Variants in MYH2 observed in about 807,000 individuals in gnomAD.
The protein encoded by MYH2 is myosin heavy chain 2.
Under a neutral mutation model 228.1 loss-of-function variants are expected in MYH2, and 139 were observed. The ratio of observed to expected loss-of-function variants is 0.61; its 90% CI spans 0.53 to 0.70. The LOEUF (loss-of-function observed/expected upper bound fraction) is 0.70. MYH2 is among the 30% of genes least tolerant of loss of function. MYH2 has a pLI of 0.00. For synonymous variants in MYH2, 796 were observed against 871.1 expected (o/e 0.91, Z 1.52); for missense variants, 1,809 against 2,357.5 (o/e 0.77, Z 4.82).
At position 10,535,446 on chromosome 17, in the gene MYH2, C is replaced by A. The variant is rs1474838743; in HGVS notation, c.1975-81G>T. ...TCATTGGTGTCTATAAAATCAATAT[C>A]TATAGCTGAGTTGAATGACCAGTAT... is the stretch of plus-strand genomic sequence containing the variant. On this transcript the variant is annotated intron_variant, in intron 17 of 39. Coordinates refer to ENST00000245503, the MANE Select transcript of MYH2 (RefSeq NM_017534.6). 11 of 1,214,164 alleles carry A rather than the reference C, an allele frequency of 9.1e-6. No homozygotes were observed. The East Asian group carries it at 1.9e-4, about 21-fold the overall frequency. 75.2% of individuals were successfully genotyped at this position (1,214,164 alleles called of 1,614,324 possible).
chr17:10,535,537 A>T (rs1309961235), intron 17 of MYH2, among the ~76,000 whole-genome samples, 172 bp from the exon 18 acceptor site: 1 of 152,180 alleles, frequency 6.6e-6, no homozygotes, highest in Non-Finnish European at 1.5e-5. Context: ...TCCTCAATAG[A>T]TCTTTCTGCA....
chr17:10,547,349 T>C, intron 4 of MYH2, 126 bp downstream of exon 4: 1 of 1,260,490 alleles, frequency 7.9e-7, no homozygotes, highest in East Asian at 2.3e-5. Flanking sequence ...TGAAGCCTTT[T>C]AACTAGTTAT....
intron 22 of MYH2, 144 bp from the exon 23 acceptor site, chr17:10,530,218 C>T (rs1010202405): frequency 7.3e-7 from 1 of 1,370,240 alleles, no homozygotes; most frequent in East Asian, 2.4e-5. Context: ...CATGAACCAC[C>T]CTACTGTGTA....
intron 39 of MYH2, among the ~76,000 whole-genome samples, chr17:10,522,450 A>G (rs141235154): frequency 2.6e-5 from 4 of 152,218 alleles, no homozygotes; most frequent in African/African-American, 7.2e-5. Flanking sequence ...TTAATTCCCC[A>G]GAAGTTACAA....
In MYH2 at chr17:10,527,044, C is replaced by T. The variant is rs143341678; in HGVS notation, c.3884G>A (p.Arg1295His). The change falls in exon 29 of 40, where the codon CGC (arginine) becomes CAC (histidine). Residue 1295 changes from arginine to histidine, a missense_variant. By Grantham distance (29) the Arg-to-His change is conservative. Coordinates refer to ENST00000245503, the MANE Select transcript of MYH2 (RefSeq NM_017534.6). ...CAGAGCTTCCTTTTCATCAAGCTGG[C>T]GTGAAAACTCACCTGATGGACAAAA... ...RLQTESGEFS[R>H]QLDEKEALVS... 1,487 of 1,613,998 alleles carry T rather than the reference C, an allele frequency of 9.2e-4. 1 individual carries two copies. The highest frequency in any genetic ancestry group is 1.2e-3 in the Non-Finnish European group (1,418 of 1,179,936).
At position 10,525,703 on chromosome 17, in the gene MYH2, T is replaced by C. The variant is rs371923594; in HGVS notation, c.4361A>G (p.Asn1454Ser). 10 of 1,613,992 alleles carry C rather than the reference T, an allele frequency of 6.2e-6. No homozygotes were observed. In the African/African-American group the frequency reaches 1.3e-4, roughly 22 times the overall value. ...ACAALDKKQRNFDKILAEWKQ... is the reference protein window; with the variant it reads ...ACAALDKKQRSFDKILAEWKQ... ...TGCTGGAGGAATTACCTTATCGAAG[T>C]TCCTTTGCTTTTTGTCAAGGGCGGC... Residue 1454 changes from asparagine (N) to serine (S), a missense_variant, in exon 31 of 40, where the codon AAC becomes AGC. By Grantham distance (46) the Asn-to-Ser change is conservative. This residue lies in a region of MYH2 where 636 missense variants were observed against 729.9 expected (regional missense o/e 0.87). Coordinates refer to ENST00000245503, the MANE Select transcript of MYH2 (RefSeq NM_017534.6). This position sits in a 1 kb window ranked among gnomAD's most constrained non-coding sequence, Gnocchi z 4.2.
intron 12 of MYH2, 78 bp from the exon 13 acceptor site, chr17:10,539,640 A>C: frequency 7.1e-7 from 1 of 1,410,020 alleles, no homozygotes; most frequent in South Asian, 1.2e-5. Context: ...TTTAAACTAC[A>C]AGTATTTTGT....
rs1057179446 is a variant in MYH2, at chr17:10,536,570, T to C, written c.1934A>G (p.Lys645Arg). 4 of 1,614,036 alleles carry C rather than the reference T, an allele frequency of 2.5e-6. No individual in the cohort carries two copies. The African/African-American group carries it at 4.0e-5, about 16-fold the overall frequency. Residue 645 changes from lysine (K) to arginine (R), a missense_variant, in exon 17 of 40, where the codon AAG becomes AGG. Lys to Arg is a conservative substitution (Grantham distance 26, BLOSUM62 2). Transcript: ENST00000245503. ...CACTGTCTGGAAAGAAGAGCCCTTC[T>C]TCTTACCACCTTTCTTGGCCCCTCC... is the stretch of plus-strand genomic sequence containing the variant. The part of the protein sequence containing the change: ...AGGGAKKGGK[K>R]KGSSFQTVSA...
rs778023237 is a variant in MYH2, at chr17:10,537,880, A to G, written c.1417-45T>C. 3.7e-6 allele frequency: 6 copies of G among 1,614,034 alleles called. No homozygotes were observed. Among genetic ancestry groups the G allele is most frequent in the Non-Finnish European group, 5.1e-6 (6 of 1,179,908 alleles). ...TACTTCTCTCTTAAGCAAATTGAGTATTTTTTAAAATACAGAACTTTTCCA... is the reference window on the plus strand; with the variant it reads ...TACTTCTCTCTTAAGCAAATTGAGTGTTTTTTAAAATACAGAACTTTTCCA... On this transcript the variant is annotated intron_variant, in intron 14 of 39. Coordinates refer to ENST00000245503, the MANE Select transcript of MYH2 (RefSeq NM_017534.6). The surrounding 1 kb of genome is among the most constrained non-coding windows in gnomAD (Gnocchi z 4.0).
rs943186292 is a variant in MYH2 at position 10,539,873 on chromosome 17, T to A, written c.1147+55A>T. 62 of 1,611,046 alleles carry A rather than the reference T, an allele frequency of 3.8e-5. 1 individual carries two copies. In the Middle Eastern group the frequency reaches 7.3e-4, roughly 19 times the overall value. On this transcript the variant is annotated intron_variant, in intron 12 of 39. Coordinates refer to ENST00000245503, the MANE Select transcript of MYH2 (RefSeq NM_017534.6). ...CCTAGGAAAATTCCTGGGTAACAAG[T>A]TAAGAATGTGATTTTCAAACAAATG...
At chr17:10,539,624 A>T (rs1474953705) in intron 12 of MYH2, 62 bp from the exon 13 acceptor site, 13 of 1,483,676 alleles carry the variant, frequency 8.8e-6, no homozygotes, top group Non-Finnish European at 1.2e-5. Context: ...TTCCTTAAAA[A>T]TATTTTTTAA....
At chr17:10,540,880 C>T (rs1021295666) in intron 10 of MYH2, among the ~76,000 whole-genome samples, 183 bp from the exon 11 acceptor site, 1 of 152,126 alleles carries the variant, frequency 6.6e-6, no homozygotes, top group East Asian at 1.9e-4. Context: ...TTATTAGTTC[C>T]CCAAATTAAT....
chr17:10,523,197 T>G lies in MYH2; in HGVS notation c.5578-12A>C, dbSNP rs1256307882. On this transcript the variant is annotated splice_polypyrimidine_tract_variant and intron_variant, in intron 38 of 39. Coordinates refer to ENST00000245503, the MANE Select transcript of MYH2 (RefSeq NM_017534.6). Reference sequence around the variant, plus strand: ...CTATCTTCTTCCGTCTGAAAGATTATAAAAAGTCCAGGACCTTAATTACTA... The same window carrying G: ...CTATCTTCTTCCGTCTGAAAGATTAGAAAAAGTCCAGGACCTTAATTACTA... The G allele has an allele frequency of 6.2e-7, 1 of 1,611,786 alleles. No homozygotes were observed. Among genetic ancestry groups the G allele is most frequent in the South Asian group, 1.1e-5 (1 of 91,024 alleles).
chr17:10,546,255 TGATATATATA>T (rs2073627380), intron 4 of MYH2, among the ~76,000 whole-genome samples: 1 of 27,146 alleles, frequency 3.7e-5, no homozygotes, highest in South Asian at 1.9e-3. Flanking sequence ...GGACACGAAA[TGATATATATA>T]TATATATATA....
intron 5 of MYH2, 25 bp from the exon 6 acceptor site, chr17:10,544,152 A>G: frequency 6.2e-7 from 1 of 1,608,950 alleles, no homozygotes; most frequent in East Asian, 2.2e-5. Context: ...ATAGACATTT[A>G]ATACTGTTTT....
chr17:10,549,483 T>C (rs1160585191), intron 1 of MYH2, 66 bp from the exon 2 acceptor site: 1 of 152,710 alleles, frequency 6.5e-6, no homozygotes, highest in Non-Finnish European at 1.5e-5. Context: ...ATCCCATTTA[T>C]GGCATGGCTT....
At chr17:10,523,241 T>C (rs1421506813) in intron 38 of MYH2, 56 bp from the exon 39 acceptor site, 8 of 1,603,778 alleles carry the variant, frequency 5.0e-6, no homozygotes, top group Middle Eastern at 1.6e-4. Flanking sequence ...GACTATTGCA[T>C]CATTGCATAT....
intron 28 of MYH2, 91 bp from the exon 29 acceptor site, chr17:10,527,147 C>A: frequency 1.8e-6 from 2 of 1,137,992 alleles, no homozygotes; most frequent in Non-Finnish European, 2.7e-6. Flanking sequence ...CTTATTTTCC[C>A]AAATTGAGTG....
At chr17:10,543,289 A>T in intron 8 of MYH2, 128 bp from the exon 9 acceptor site, 5 of 708,158 alleles carry the variant, frequency 7.1e-6, no homozygotes, top group Non-Finnish European at 1.2e-5. Flanking sequence ...AGGTAGAAAA[A>T]GGTGTATCTC....
Sources: gnomAD v4.1 joint callset for allele counts (sites outside exome capture counted in the v4.1 genomes callset) on GRCh38, gnomAD v4.1.1 for gene constraint, gnomAD v4.1.1 regional missense constraint, Gnocchi (gnomAD v3.1) non-coding constraint, MANE v1.5 for transcripts, NCBI Gene and HGNC (gene_info 2026-07-23, HGNC 2026-07-21) for gene names.